TMEM132C: variants seen among roughly 807,000 people sequenced by gnomAD.
TMEM132C encodes transmembrane protein 132C, also known as protein phosphatase 1, regulatory subunit 152.
A neutral mutation model predicts 61.4 loss-of-function variants in TMEM132C; 29 were observed. The ratio of observed to expected loss-of-function variants is 0.47; its 90% CI spans 0.35 to 0.64. The LOEUF is 0.64. Among genes scored for constraint, TMEM132C ranks in the 30% least tolerant of loss-of-function variants. TMEM132C has a pLI of 0.00. For synonymous variants in TMEM132C, 656 were observed against 633.1 expected, an observed-to-expected ratio of 1.04 and a Z score of -0.54; for missense variants, 1,408 against 1,476.9, an observed-to-expected ratio of 0.95 and a Z score of 0.76.
At chr12:128,519,827 A>G (rs902704395) in intron 2 of TMEM132C, among the ~76,000 whole-genome samples, 2 of 152,170 alleles carry the variant, frequency 1.3e-5, no homozygotes, top group Admixed American at 1.3e-4. Context: ...TGCCCTGCCA[A>G]GCCTCTACTG....
chr12:128,634,779 C>A (rs1041628658), intron 4 of TMEM132C, among the ~76,000 whole-genome samples: 1 of 152,218 alleles, frequency 6.6e-6, no homozygotes, highest in Non-Finnish European at 1.5e-5. Context: ...CCTTCACCTG[C>A]ATTTTAGGTT....
At chr12:128,696,546 C>G (rs1442782428) in intron 7 of TMEM132C, among the ~76,000 whole-genome samples, 2 of 152,178 alleles carry the variant, frequency 1.3e-5, no homozygotes, top group African/African-American at 4.8e-5. Context: ...TTTACTTATT[C>G]AACAAACTCT....
At chr12:128,594,675 A>G (rs769035299) in intron 3 of TMEM132C, among the ~76,000 whole-genome samples, 7 of 152,172 alleles carry the variant, frequency 4.6e-5, no homozygotes, top group Non-Finnish European at 8.8e-5. Context: ...CTATTTTTCA[A>G]CAAGGATGAT....
chr12:128,688,454 TA>T (rs1313706731), intron 5 of TMEM132C, among the ~76,000 whole-genome samples: 3 of 151,418 alleles, frequency 2.0e-5, no homozygotes, highest in South Asian at 2.1e-4. Context: ...AAAATGAGAT[TA>T]AAAAAAAGCA....
chr12:128,297,327 G>T (rs908242122), intron 1 of TMEM132C, among the ~76,000 whole-genome samples: 2 of 152,214 alleles, frequency 1.3e-5, no homozygotes, highest in Non-Finnish European at 2.9e-5. Flanking sequence ...GAGGCCAGTG[G>T]CTGTGAATAT....
At position 128,366,062 on chromosome 12, in the gene TMEM132C, C is replaced by T. The variant is rs182159671; in HGVS notation, c.86-48670C>T. 4.6e-5 allele frequency among the ~76,000 whole-genome samples: 7 copies of T among 152,324 alleles called. No individual in the cohort carries two copies. In the East Asian group the frequency reaches 1.4e-3, roughly 29 times the overall value. ...GTTGCCGAGATGGTGTTTCGGAAGG[C>T]GCTGTGAATGCACTTCCCTTTGCGG... On this transcript the variant is annotated intron_variant, in intron 1 of 8. Transcript: ENST00000435159.
intron 2 of TMEM132C, among the ~76,000 whole-genome samples, chr12:128,521,477 C>A (rs1008653871): frequency 6.7e-6 from 1 of 149,394 alleles, no homozygotes; most frequent in African/African-American, 2.5e-5. Flanking sequence ...CCAACAGGCC[C>A]CGGTGGGAAC....
intron 4 of TMEM132C, among the ~76,000 whole-genome samples, chr12:128,623,731 C>T (rs1953988994): frequency 6.6e-6 from 1 of 151,898 alleles, no homozygotes; most frequent in Non-Finnish European, 1.5e-5. Context: ...TCACTTGAAC[C>T]TGGGAGGCAG....
intron 3 of TMEM132C, among the ~76,000 whole-genome samples, chr12:128,583,024 T>C (rs2135560632): frequency 6.6e-6 from 1 of 152,320 alleles, no homozygotes; most frequent in African/African-American, 2.4e-5. Context: ...GTTCCATTTG[T>C]AGTGGCTGAG....
At chr12:128,443,171 A>G (rs927430239) in intron 2 of TMEM132C, among the ~76,000 whole-genome samples, 10 of 152,196 alleles carry the variant, frequency 6.6e-5, no homozygotes, top group Non-Finnish European at 1.3e-4. Context: ...ACAGAGAAGC[A>G]AAAGCAAAAC....
chr12:128,476,303 C>T (rs770997276), intron 2 of TMEM132C, among the ~76,000 whole-genome samples: 46 of 152,296 alleles, frequency 3.0e-4, no homozygotes, highest in Non-Finnish European at 4.4e-4. Context: ...CCTGAGGAGA[C>T]GGTTGCAGCG....
chr12:128,596,535 T>TAAAGAACCTGCCTTCCCGTCAC (rs1382558549), intron 3 of TMEM132C, among the ~76,000 whole-genome samples: 1 of 147,890 alleles, frequency 6.8e-6, no homozygotes, highest in African/African-American at 2.5e-5. Context: ...CGGCAGGGCT[T>TAAAGAACCTGCCTTCCCGTCAC]CACTGATCCC....
At position 128,652,543 on chromosome 12, in the gene TMEM132C, G is replaced by A. The variant is rs115611982; in HGVS notation, c.1306-16874G>A. ...TTACAGCTCGGAACACAGAGTTCTC[G>A]GAGCCACAAGGAGCAGGATTCACAG... On this transcript the variant is annotated intron_variant, in intron 4 of 8. Transcript: ENST00000435159. 2.5e-3 allele frequency among the ~76,000 whole-genome samples: 385 copies of A among 152,312 alleles called. 3 individuals are homozygous for A. The highest frequency in any genetic ancestry group is 8.7e-3 in the African/African-American group (363 of 41,574).
At chr12:128,341,428 ATC>A (rs1872974873) in intron 1 of TMEM132C, among the ~76,000 whole-genome samples, 1 of 152,248 alleles carries the variant, frequency 6.6e-6, no homozygotes, top group African/African-American at 2.4e-5. Context: ...CTAATCATTT[ATC>A]TCCCAAGGTG....
At position 128,656,504 on chromosome 12, in the gene TMEM132C, A is replaced by G. The variant is rs113114460; in HGVS notation, c.1306-12913A>G. Among the ~76,000 whole-genome samples, 605 of 152,370 alleles carry G rather than the reference A, an allele frequency of 4.0e-3. 9 individuals carry two copies. Among genetic ancestry groups the G allele is most frequent in the African/African-American group, 0.013 (528 of 41,596 alleles). On this transcript the variant is annotated intron_variant, in intron 4 of 8. Transcript: ENST00000435159. Reference sequence around the variant, plus strand: ...TTCGTTCTCATTAAGGAGATTTTCTAAAGTACTGCATATTTCCGTTTACTT... The same window carrying G: ...TTCGTTCTCATTAAGGAGATTTTCTGAAGTACTGCATATTTCCGTTTACTT...
At chr12:128,312,575 A>G (rs1427672099) in intron 1 of TMEM132C, among the ~76,000 whole-genome samples, 4 of 152,302 alleles carry the variant, frequency 2.6e-5, no homozygotes, top group East Asian at 3.9e-4. Context: ...GGCACATGGC[A>G]TAGAAGGCGA....
At position 128,414,189 on chromosome 12, in the gene TMEM132C, C is replaced by T. The variant is rs559799628; in HGVS notation, c.86-543C>T. On this transcript the variant is annotated intron_variant, in intron 1 of 8. Transcript: ENST00000435159. ...ACTGCTTGACCCCAGGAGTTCAAGA[C>T]CAGACTGGGCAAAATAGTGAGACCC... Among the ~76,000 whole-genome samples, 5 of 151,906 alleles carry T rather than the reference C, an allele frequency of 3.3e-5. No individual in the cohort carries two copies. In the South Asian group the frequency reaches 1.0e-3, roughly 32 times the overall value.
intron 2 of TMEM132C, among the ~76,000 whole-genome samples, chr12:128,527,366 C>T (rs1407993027): frequency 6.6e-6 from 1 of 152,108 alleles, no homozygotes; most frequent in African/African-American, 2.4e-5. Context: ...CTGGGGAAAG[C>T]AACACTAGTG....
intron 4 of TMEM132C, among the ~76,000 whole-genome samples, chr12:128,621,974 T>A (rs1478831573): frequency 6.6e-6 from 1 of 152,082 alleles, no homozygotes; most frequent in South Asian, 2.1e-4. Flanking sequence ...CGACTCTGAG[T>A]GATACCTGAG....
Sources: gnomAD v4.1 joint callset for allele counts (sites outside exome capture counted in the v4.1 genomes callset) on GRCh38, gnomAD v4.1.1 for gene constraint, MANE v1.5 for transcripts, NCBI Gene and HGNC (gene_info 2026-07-23, HGNC 2026-07-21) for gene names.